Variants in CFAP20DC observed in about 807,000 individuals in gnomAD.
CFAP20DC encodes the protein protein CFAP20DC.
CFAP20DC carries 84 observed loss-of-function variants against 101.7 expected under a neutral mutation model. The observed-to-expected ratio is 0.83, with a 90% CI of 0.69 to 0.99. The LOEUF (loss-of-function observed/expected upper bound fraction) is 0.99, where lower values mean the gene tolerates loss of function less well. Ranked by LOEUF, CFAP20DC falls within the 50% of genes least tolerant of loss-of-function variation. CFAP20DC has a pLI of 0.00. For missense variants in CFAP20DC, 1,007 were observed against 970.3 expected, an observed-to-expected ratio of 1.04 and a Z score of -0.50; for synonymous variants, 359 against 351.2, an observed-to-expected ratio of 1.02 and a Z score of -0.25.
downstream of CFAP20DC, among the ~76,000 whole-genome samples, chr3:58,741,637 C>A (rs1204820195): frequency 6.6e-6 from 1 of 152,072 alleles, no homozygotes; most frequent in African/African-American, 2.4e-5. Context: ...GCTGGGACTA[C>A]AGGCGCCCTC....
chr3:58,838,953 A>T (rs1201831179), intron 13 of CFAP20DC, among the ~76,000 whole-genome samples: 1 of 152,242 alleles, frequency 6.6e-6, no homozygotes, highest in African/African-American at 2.4e-5. Flanking sequence ...CCATTCAATA[A>T]ATGGTAGTTT....
intron 15 of CFAP20DC, among the ~76,000 whole-genome samples, chr3:58,771,155 G>A (rs138012051): frequency 0.014 from 2,054 of 151,830 alleles, 40 homozygotes; most frequent in African/African-American, 0.046. Flanking sequence ...ACAAGATCAC[G>A]AACCAAACAC....
chr3:59,049,941 G>A lies in CFAP20DC; in HGVS notation c.-310C>T, dbSNP rs1318392319. The A allele has an allele frequency of 2.9e-6, 1 of 344,064 alleles. No individual in the cohort carries two copies. Among genetic ancestry groups the A allele is most frequent in the East Asian group, 4.8e-5 (1 of 20,808 alleles). The allele number at this position is 344,064 out of a possible 1,614,324, so 21.3% of individuals were successfully genotyped here. Reference sequence around the variant, plus strand: ...GATTGTGTGTGTAACCTACGTGACGGGGCGCCCAGTCGCGGAGCCACAGAC... The same window carrying A: ...GATTGTGTGTGTAACCTACGTGACGAGGCGCCCAGTCGCGGAGCCACAGAC... On this transcript the variant is annotated 5_prime_UTR_variant, in exon 1 of 17. Transcript: ENST00000482387.
At chr3:58,948,995 A>G (rs2089731753) in intron 4 of CFAP20DC, among the ~76,000 whole-genome samples, 1 of 152,050 alleles carries the variant, frequency 6.6e-6, no homozygotes, top group Non-Finnish European at 1.5e-5. Context: ...CAGAGATTCA[A>G]CTTCTTCCTG....
At chr3:58,901,717 T>A (rs1050163086) in intron 6 of CFAP20DC, among the ~76,000 whole-genome samples, 2 of 152,222 alleles carry the variant, frequency 1.3e-5, no homozygotes, top group Admixed American at 6.5e-5. Context: ...CTATCCTGAA[T>A]GAATCATGCC....
chr3:58,806,127 T>C (rs528083258), intron 15 of CFAP20DC, among the ~76,000 whole-genome samples: 1 of 152,360 alleles, frequency 6.6e-6, no homozygotes, highest in East Asian at 1.9e-4. Context: ...TCCAAAATAC[T>C]ATGAAGTAAT....
At chr3:58,773,174 C>T (rs543676702) in intron 15 of CFAP20DC, among the ~76,000 whole-genome samples, 1 of 151,916 alleles carries the variant, frequency 6.6e-6, no homozygotes, top group South Asian at 2.1e-4. Flanking sequence ...GTCCCTTGAC[C>T]AACTAAGGAG....
rs191813475 is a variant in CFAP20DC, at chr3:58,764,598, C to T, written c.2238-10735G>A. On this transcript the variant is annotated intron_variant, in intron 15 of 16. Transcript: ENST00000482387. ...CTCAGTTGGAAATGCAGAAATCACC[C>T]GTCTTCTGCATCGCTCACACTGGGA... 8.6e-4 allele frequency among the ~76,000 whole-genome samples: 131 copies of T among 152,270 alleles called. No individual in the cohort carries two copies. In the East Asian group the frequency reaches 0.016, roughly 18 times the overall value.
At position 58,729,196 on chromosome 3, in the gene CFAP20DC, T is replaced by G. The variant is rs1386111929; in HGVS notation, c.198-11568A>C. Among the ~76,000 whole-genome samples the G allele has an allele frequency of 6.6e-6, 1 of 152,188 alleles. No individual in the cohort carries two copies. Among genetic ancestry groups the G allele is most frequent in the Admixed American group, 6.5e-5 (1 of 15,282 alleles). ...CCTGTTTATTCTTATTTTAAGCAAC[T>G]AAGTTTTAGGGTAATGTGTTATGCA... On this transcript the variant is annotated intron_variant, in intron 3 of 3. Transcript: ENST00000486145. This position sits in a 1 kb window ranked among gnomAD's most constrained non-coding sequence, Gnocchi z 4.4.
chr3:58,923,044 C>G (rs1020029912), intron 5 of CFAP20DC, among the ~76,000 whole-genome samples: 6 of 152,006 alleles, frequency 3.9e-5, no homozygotes, highest in Non-Finnish European at 8.8e-5. Flanking sequence ...GTAGCTGGGA[C>G]TACAGGTGTG....
chr3:58,810,352 A>G (rs1439826751), intron 14 of CFAP20DC, among the ~76,000 whole-genome samples: 9 of 152,164 alleles, frequency 5.9e-5, no homozygotes, highest in Non-Finnish European at 8.8e-5. Flanking sequence ...AAGCTTATCC[A>G]CCATGATCAA....
rs532760863 is a variant in CFAP20DC, at chr3:58,728,330, G to A, written c.198-10702C>T. ...GGGAGGAAATTGGAAGAAGATTCAC[G>A]TCCTCATATTAGAGAAATAGCTGGC... On this transcript the variant is annotated intron_variant, in intron 3 of 3. Transcript: ENST00000486145. The surrounding 1 kb of genome is among the most constrained non-coding windows in gnomAD (Gnocchi z 4.7). Among the ~76,000 whole-genome samples the A allele has an allele frequency of 7.2e-5, 11 of 152,328 alleles. No individual in the cohort carries two copies. The highest frequency in any genetic ancestry group is 2.1e-4 in the South Asian group (1 of 4,826).
chr3:58,807,596 A>T (rs1385805640), intron 14 of CFAP20DC, among the ~76,000 whole-genome samples: 2 of 152,224 alleles, frequency 1.3e-5, no homozygotes, highest in Admixed American at 1.3e-4. Context: ...CCAAAAGTAG[A>T]TAAAACCACA....
intron 4 of CFAP20DC, among the ~76,000 whole-genome samples, chr3:58,972,261 C>T (rs1202482795): frequency 6.6e-6 from 1 of 152,118 alleles, no homozygotes; most frequent in East Asian, 1.9e-4. Flanking sequence ...GGTTAGAACA[C>T]AACAATTTAC....
chr3:58,816,047 A>G (rs1416144793), intron 14 of CFAP20DC, among the ~76,000 whole-genome samples: 1 of 151,894 alleles, frequency 6.6e-6, no homozygotes, highest in East Asian at 1.9e-4. Context: ...GCTGCTATAA[A>G]GACACATGCA....
At chr3:58,814,063 T>C (rs966321721) in intron 14 of CFAP20DC, among the ~76,000 whole-genome samples, 7 of 151,868 alleles carry the variant, frequency 4.6e-5, no homozygotes, top group African/African-American at 1.7e-4. Context: ...TTGGTATTCG[T>C]CCAGTATTTC....
downstream of CFAP20DC, among the ~76,000 whole-genome samples, chr3:58,716,357 G>A (rs2067399607): frequency 4.0e-5 from 6 of 151,340 alleles, 1 homozygote; most frequent in South Asian, 1.0e-3. Flanking sequence ...TAGAGACGGG[G>A]TTTCACCTTG....
At chr3:58,813,361 T>A (rs528505086) in intron 14 of CFAP20DC, among the ~76,000 whole-genome samples, 1 of 152,084 alleles carries the variant, frequency 6.6e-6, no homozygotes, top group South Asian at 2.1e-4. Flanking sequence ...CTCTAAGTAT[T>A]TATGTGGTTA....
chr3:58,937,800 T>A lies in CFAP20DC; in HGVS notation c.279-38A>T, dbSNP rs145528529. On this transcript the variant is annotated intron_variant, in intron 4 of 16. Transcript: ENST00000482387. Reference sequence around the variant, plus strand: ...AGGAGAGAAGACAGAAAGATTCCCATCAATTTAATAACCACTTCTTTGGAT... The same window carrying A: ...AGGAGAGAAGACAGAAAGATTCCCAACAATTTAATAACCACTTCTTTGGAT... 2.5e-3 allele frequency: 2,799 copies of A among 1,123,544 alleles called. 12 individuals are homozygous for A. Among genetic ancestry groups the A allele is most frequent in the Non-Finnish European group, 2.6e-3 (1,931 of 743,348 alleles). The allele number at this position is 1,123,544 out of a possible 1,614,324, so 69.6% of individuals were successfully genotyped here.
Sources: allele counts gnomAD v4.1 joint callset (sites outside exome capture counted in the v4.1 genomes callset), GRCh38; gene constraint gnomAD v4.1.1; non-coding constraint Gnocchi (gnomAD v3.1); transcripts MANE v1.5; gene names NCBI Gene and HGNC (gene_info 2026-07-23, HGNC 2026-07-21).